CMTM4: variants seen among roughly 807,000 people sequenced by gnomAD.
CMTM4 encodes CKLF like MARVEL transmembrane domain containing 4.
CMTM4 carries 8 observed loss-of-function variants against 19.0 expected under a neutral mutation model. The observed-to-expected ratio is 0.42, with a 90% CI of 0.25 to 0.76. The LOEUF is 0.76. Ranked by LOEUF, CMTM4 falls within the 30% of genes least tolerant of loss-of-function variation. The pLI, the probability that CMTM4 is intolerant of heterozygous loss-of-function variation, is 0.27. For missense variants in CMTM4, 228 were observed against 290.2 expected (o/e 0.79, Z 1.56); for synonymous variants, 106 against 121.1 (o/e 0.88, Z 0.82).
rs773015381 is a variant in CMTM4 at position 66,617,891 on chromosome 16, G to T, written c.*4167C>A. Reference sequence around the variant, plus strand: ...CTTGCCCTCAAGCTGACTGTGGAACGCGAGACAGCTTTCAAAGACAAGAGG... The same window carrying T: ...CTTGCCCTCAAGCTGACTGTGGAACTCGAGACAGCTTTCAAAGACAAGAGG... On this transcript the variant is annotated 3_prime_UTR_variant, in exon 4 of 4. Coordinates refer to ENST00000394106, the MANE Select transcript of CMTM4 (RefSeq NM_181521.3). 48 of 988,002 alleles carry T rather than the reference G, an allele frequency of 4.9e-5. No homozygotes were observed. In the African/African-American group the frequency reaches 8.2e-4, roughly 17 times the overall value. 61.2% of individuals were successfully genotyped at this position (988,002 alleles called of 1,614,324 possible).
chr16:66,648,887 G>T (rs546469210), intron 1 of CMTM4, among the ~76,000 whole-genome samples: 1 of 152,074 alleles, frequency 6.6e-6, no homozygotes, highest in African/African-American at 2.4e-5. Flanking sequence ...CAGGAGAATC[G>T]CTTGAACCCA....
At position 66,622,170 on chromosome 16, in the gene CMTM4, A is replaced by G. The variant is rs1567403089; in HGVS notation, c.515T>C (p.Val172Ala). ...GCGGACGCTGACTCTCCATTTCTGC[A>G]CTGCCAGGAATGTGTTCACTGCATA... The part of the protein sequence containing the change: ...AAYAVNTFLA[V>A]QKWRVSVRQQ... Residue 172 changes from valine (V) to alanine (A), a missense_variant, in exon 4 of 4, where the codon GTG (valine) becomes GCG (alanine). By Grantham distance (64) the Val-to-Ala change is moderately conservative (BLOSUM62 0). Coordinates refer to ENST00000394106, the MANE Select transcript of CMTM4 (RefSeq NM_181521.3). This position sits in a 1 kb window ranked among gnomAD's most constrained non-coding sequence, Gnocchi z 4.0. 1.2e-6 allele frequency: 2 copies of G among 1,613,950 alleles called. No individual in the cohort carries two copies.
chr16:66,657,324 C>T (rs2144852253), intron 1 of CMTM4, among the ~76,000 whole-genome samples: 1 of 152,206 alleles, frequency 6.6e-6, no homozygotes, highest in Non-Finnish European at 1.5e-5. Context: ...CTCCGGACCT[C>T]AGGTGATCTG....
At chr16:66,693,028 A>G (rs548091673) in intron 1 of CMTM4, among the ~76,000 whole-genome samples, 14 of 152,184 alleles carry the variant, frequency 9.2e-5, no homozygotes, top group African/African-American at 3.4e-4. Context: ...GTTTGAGACC[A>G]GCCTAGCCAA....
intron 2 of CMTM4, among the ~76,000 whole-genome samples, chr16:66,632,589 G>A (rs2015894347): frequency 6.6e-6 from 1 of 152,204 alleles, no homozygotes; most frequent in African/African-American, 2.4e-5. Context: ...CTTCTGGGAA[G>A]TGGGGCTGAG....
the CMTM4 span, among the ~76,000 whole-genome samples, chr16:66,606,171 A>C: frequency 6.6e-6 from 1 of 152,020 alleles, no homozygotes; most frequent in African/African-American, 2.4e-5. Flanking sequence ...GGTTCACAGG[A>C]GCCGCTGAGG....
At chr16:66,658,414 C>A (rs1442875754) in intron 1 of CMTM4, among the ~76,000 whole-genome samples, 2 of 152,166 alleles carry the variant, frequency 1.3e-5, no homozygotes, top group African/African-American at 4.8e-5. Flanking sequence ...GTTCATTTAT[C>A]AAAGTCATGC....
chr16:66,664,779 C>T (rs1374489283), intron 1 of CMTM4, among the ~76,000 whole-genome samples: 1 of 151,946 alleles, frequency 6.6e-6, no homozygotes, highest in African/African-American at 2.4e-5. Context: ...ACAGAGGGAA[C>T]AAACAGAAAA....
intron 1 of CMTM4, among the ~76,000 whole-genome samples, chr16:66,664,740 GAAAAGAGGAA>G (rs1202326561): frequency 6.6e-6 from 1 of 151,350 alleles, no homozygotes; most frequent in African/African-American, 2.4e-5. Flanking sequence ...GACTCCAAAA[GAAAAGAGGAA>G]AGGGAAAACA....
chr16:66,666,227 C>T (rs370960926), intron 1 of CMTM4, among the ~76,000 whole-genome samples: 57 of 152,038 alleles, frequency 3.7e-4, no homozygotes, highest in African/African-American at 1.2e-3. Flanking sequence ...CCGAGGCAGG[C>T]GGATCACAAG....
At chr16:66,671,992 C>G (rs575105076) in intron 1 of CMTM4, among the ~76,000 whole-genome samples, 1 of 152,284 alleles carries the variant, frequency 6.6e-6, no homozygotes, top group East Asian at 1.9e-4. Flanking sequence ...CATGACTGCA[C>G]TCCAGCCTGG....
chr16:66,626,204 G>A (rs1191137250), intron 2 of CMTM4, among the ~76,000 whole-genome samples: 1 of 152,240 alleles, frequency 6.6e-6, no homozygotes, highest in African/African-American at 2.4e-5. Context: ...GGAGGCCGAG[G>A]TGGGCGGATC....
At chr16:66,609,525 G>A in the CMTM4 span, 119 of 1,597,142 alleles carry the variant, frequency 7.5e-5, no homozygotes, top group Middle Eastern at 1.6e-4. This position sits in a 1 kb window ranked among gnomAD's most constrained non-coding sequence, Gnocchi z 4.4. Flanking sequence ...TTCCAAAGCC[G>A]CTGGGGTGAG....
At chr16:66,640,171 C>G (rs1016080067) in intron 1 of CMTM4, among the ~76,000 whole-genome samples, 2 of 152,066 alleles carry the variant, frequency 1.3e-5, no homozygotes, top group African/African-American at 4.8e-5. Flanking sequence ...CATGGTGGCG[C>G]ACGCCTGTAA....
At chr16:66,631,554 A>C (rs1356181732) in intron 2 of CMTM4, among the ~76,000 whole-genome samples, 1 of 152,146 alleles carries the variant, frequency 6.6e-6, no homozygotes, top group Non-Finnish European at 1.5e-5. Flanking sequence ...AAAGAAGTAG[A>C]CTTGGGAGAC....
At chr16:66,623,083 T>G (rs2015669554) in intron 3 of CMTM4, among the ~76,000 whole-genome samples, 1 of 152,228 alleles carries the variant, frequency 6.6e-6, no homozygotes, top group African/African-American at 2.4e-5. Context: ...CATCAAGGAC[T>G]GTGTTGGAAA....
Position 66,620,808 on chromosome 16 carries a change from T to C in CMTM4, c.*1250A>G. The C allele has an allele frequency of 1.0e-6, 1 of 985,434 alleles. No individual in the cohort carries two copies. The highest frequency in any genetic ancestry group is 6.1e-5 in the Admixed American group (1 of 16,284). 61.0% of individuals were successfully genotyped at this position (985,434 alleles called of 1,614,324 possible). Reference sequence around the variant, plus strand: ...GACAAACTAAAACAACTTTTTTCCATAAAAGATATAATTACTCTCTAATTT... The same window carrying C: ...GACAAACTAAAACAACTTTTTTCCACAAAAGATATAATTACTCTCTAATTT... On this transcript the variant is annotated 3_prime_UTR_variant, in exon 4 of 4. Coordinates refer to ENST00000394106, the MANE Select transcript of CMTM4 (RefSeq NM_181521.3).
At chr16:66,658,726 T>G (rs1451181374) in intron 1 of CMTM4, among the ~76,000 whole-genome samples, 2 of 152,168 alleles carry the variant, frequency 1.3e-5, no homozygotes, top group African/African-American at 4.8e-5. Flanking sequence ...TAGGTGCCAG[T>G]ACTCCTCCCA....
At chr16:66,665,036 C>G (rs1596945723) in intron 1 of CMTM4, among the ~76,000 whole-genome samples, 1 of 151,956 alleles carries the variant, frequency 6.6e-6, no homozygotes, top group South Asian at 2.1e-4. Context: ...CTTGACCTAC[C>G]GGGCTCAAGT....
Sources: allele counts gnomAD v4.1 joint callset (sites outside exome capture counted in the v4.1 genomes callset), GRCh38; gene constraint gnomAD v4.1.1; non-coding constraint Gnocchi (gnomAD v3.1); transcripts MANE v1.5; gene names NCBI Gene and HGNC (gene_info 2026-07-23, HGNC 2026-07-21).